The following CSMD1 variants were observed in gnomAD, a reference collection of about 807,000 sequenced individuals.
The protein encoded by CSMD1 is CUB and sushi domain-containing protein 1.
A neutral mutation model predicts 417.5 loss-of-function variants in CSMD1; 213 were observed. That is an observed-to-expected ratio of 0.51 (90% CI 0.46 to 0.57). The LOEUF is 0.57. CSMD1 is among the 20% of genes least tolerant of loss of function. The pLI is 0.00. For synonymous variants in CSMD1, 2,862 were observed against 1,736.8 expected (o/e 1.65, Z -16.11); for missense variants, 6,923 against 4,529.7 (o/e 1.53, Z -15.17).
chr8:3,750,103 G>A (rs1387978938), intron 6 of CSMD1, among the ~76,000 whole-genome samples: 1 of 152,070 alleles, frequency 6.6e-6, no homozygotes, highest in Non-Finnish European at 1.5e-5. Flanking sequence ...GGGCTGGGGA[G>A]GCATTGAATA....
intron 8 of CSMD1, among the ~76,000 whole-genome samples, chr8:3,591,038 A>G (rs1800821844): frequency 6.6e-6 from 1 of 152,208 alleles, no homozygotes; most frequent in Admixed American, 6.5e-5. Context: ...AGGAGAAAAA[A>G]GCTAGCAGTG....
chr8:4,069,738 T>G (rs896826273), intron 3 of CSMD1, among the ~76,000 whole-genome samples: 2 of 152,166 alleles, frequency 1.3e-5, no homozygotes, highest in Non-Finnish European at 2.9e-5. Context: ...ACCTTGAGTT[T>G]AGGAATGCTG....
At chr8:3,758,627 A>G (rs1397438988) in intron 5 of CSMD1, among the ~76,000 whole-genome samples, 1 of 152,198 alleles carries the variant, frequency 6.6e-6, no homozygotes, top group Non-Finnish European at 1.5e-5. Context: ...AATTAGGTGA[A>G]ATTGTGAACT....
At chr8:3,465,153 AGGGAT>A (rs2117171693) in intron 12 of CSMD1, among the ~76,000 whole-genome samples, 1 of 152,234 alleles carries the variant, frequency 6.6e-6, no homozygotes, top group East Asian at 1.9e-4. Context: ...CCTCACCAGC[AGGGAT>A]CCCTGTTGTT....
intron 3 of CSMD1, among the ~76,000 whole-genome samples, chr8:4,318,567 A>G (rs957825479): frequency 6.6e-6 from 1 of 152,174 alleles, no homozygotes; most frequent in Non-Finnish European, 1.5e-5. Context: ...TTTTACACTA[A>G]AAAGAATAAA....
chr8:3,404,613 T>G (rs1812236974), intron 15 of CSMD1, among the ~76,000 whole-genome samples: 2 of 152,204 alleles, frequency 1.3e-5, no homozygotes. Context: ...TCTATTCACT[T>G]ATTAAAAATA....
intron 5 of CSMD1, among the ~76,000 whole-genome samples, chr8:3,761,009 T>C (rs986666074): frequency 6.6e-6 from 1 of 152,198 alleles, no homozygotes; most frequent in Non-Finnish European, 1.5e-5. Context: ...ATTTGTACTG[T>C]GGTGTTTCAT....
intron 3 of CSMD1, among the ~76,000 whole-genome samples, chr8:4,110,073 G>C (rs779184283): frequency 2.0e-5 from 3 of 152,262 alleles, no homozygotes; most frequent in East Asian, 3.9e-4. Context: ...CAATGATCAC[G>C]TGGAATAATA....
At chr8:3,107,881 A>T in intron 44 of CSMD1, 83 bp from the exon 45 acceptor site, 1 of 868,970 alleles carries the variant, frequency 1.2e-6, no homozygotes, top group Non-Finnish European at 1.8e-6. Flanking sequence ...TTCATCTTGC[A>T]GTTGTTATAA....
At chr8:2,962,372 T>G (rs1474169498) in intron 61 of CSMD1, 94 bp downstream of exon 61, 1 of 1,149,698 alleles carries the variant, frequency 8.7e-7, no homozygotes, top group African/African-American at 1.6e-5. Flanking sequence ...ATGGAAACAC[T>G]TTCTATGTAA....
At chr8:3,313,734 T>C (rs953580382) in intron 23 of CSMD1, among the ~76,000 whole-genome samples, 3 of 152,128 alleles carry the variant, frequency 2.0e-5, no homozygotes, top group African/African-American at 7.2e-5. Flanking sequence ...GATCTAGAAC[T>C]AGAAATACCA....
chr8:3,871,124 A>C (rs1010111071), intron 5 of CSMD1, among the ~76,000 whole-genome samples: 1 of 152,056 alleles, frequency 6.6e-6, no homozygotes, highest in Non-Finnish European at 1.5e-5. Context: ...AATATTTTCA[A>C]TTTTTTAAAA....
intron 5 of CSMD1, among the ~76,000 whole-genome samples, chr8:3,844,752 G>A (rs1458638531): frequency 1.3e-5 from 2 of 152,180 alleles, no homozygotes; most frequent in Non-Finnish European, 2.9e-5. Context: ...ATGAGGTCAT[G>A]TGACCTCAGA....
intron 10 of CSMD1, among the ~76,000 whole-genome samples, chr8:3,560,770 A>G (rs77907494): frequency 2.4e-4 from 37 of 152,258 alleles, no homozygotes; most frequent in Admixed American, 3.9e-4. Flanking sequence ...TTTTGGCTAT[A>G]TATCTCCTTG....
At chr8:4,467,269 G>A (rs1585125738) in intron 2 of CSMD1, among the ~76,000 whole-genome samples, 2 of 152,060 alleles carry the variant, frequency 1.3e-5, no homozygotes, top group African/African-American at 4.8e-5. Context: ...TTCAATTCGT[G>A]TTCAATTAAA....
chr8:3,873,704 AAAAT>A (rs1192628822), intron 5 of CSMD1, among the ~76,000 whole-genome samples: 2 of 152,228 alleles, frequency 1.3e-5, no homozygotes, highest in Non-Finnish European at 2.9e-5. Context: ...ATAAAAGTTA[AAAAT>A]AAATAAATAA....
intron 12 of CSMD1, among the ~76,000 whole-genome samples, chr8:3,432,211 C>T (rs189025517): frequency 6.6e-6 from 1 of 151,938 alleles, no homozygotes; most frequent in African/African-American, 2.4e-5. Context: ...GGGTAGAGAA[C>T]TGAATATGAC....
At chr8:3,361,880 T>C (rs1468041185) in intron 20 of CSMD1, among the ~76,000 whole-genome samples, 1 of 152,178 alleles carries the variant, frequency 6.6e-6, no homozygotes, top group Non-Finnish European at 1.5e-5. Context: ...AAGGTGTGTG[T>C]TAGTTGTAAC....
At chr8:3,330,079 G>A (rs143239317) in intron 23 of CSMD1, among the ~76,000 whole-genome samples, 1 of 152,236 alleles carries the variant, frequency 6.6e-6, no homozygotes, top group East Asian at 1.9e-4. Context: ...CCATCCCTGG[G>A]TGCAGCTCCT....
Sources: gnomAD v4.1 joint callset for allele counts (sites outside exome capture counted in the v4.1 genomes callset) on GRCh38, gnomAD v4.1.1 for gene constraint, MANE v1.5 for transcripts, NCBI Gene and HGNC (gene_info 2026-07-23, HGNC 2026-07-21) for gene names.